Variants in USP34 observed in about 807,000 individuals in gnomAD.
USP34 encodes ubiquitin carboxyl-terminal hydrolase 34.
USP34 carries 70 observed loss-of-function variants against 460.3 expected under a neutral mutation model. The ratio of observed to expected loss-of-function variants is 0.15; its 90% confidence interval spans 0.13 to 0.19. USP34 has a LOEUF of 0.19. Among genes scored for constraint, USP34 ranks in the 10% least tolerant of loss-of-function variants. The pLI, the probability that USP34 is intolerant of heterozygous loss-of-function variation, is 1.00. For missense variants in USP34, 3,985 were observed against 4,236.2 expected, an observed-to-expected ratio of 0.94 and a Z score of 1.65; for synonymous variants, 1,647 against 1,405.3, an observed-to-expected ratio of 1.17 and a Z score of -3.85.
chr2:61,193,094 ATATTT>A (rs1686688138), intron 75 of USP34, 114 bp from the exon 76 acceptor site: 3 of 820,136 alleles, frequency 3.7e-6, no homozygotes, highest in Admixed American at 2.8e-5. Flanking sequence ...CATATTTTCT[ATATTT>A]TAAAGTACAT....
At chr2:61,287,931 C>A (rs568048408) in intron 34 of USP34, among the ~76,000 whole-genome samples, 1 of 152,304 alleles carries the variant, frequency 6.6e-6, no homozygotes, top group African/African-American at 2.4e-5. Context: ...TTCTATTATG[C>A]TAGGGCAAAT....
At chr2:61,353,730 C>T (rs1692023695) in intron 10 of USP34, among the ~76,000 whole-genome samples, 1 of 151,936 alleles carries the variant, frequency 6.6e-6, no homozygotes, top group Non-Finnish European at 1.5e-5. Flanking sequence ...CACTCAGCCA[C>T]TAGACAAAGA....
At chr2:61,324,089 T>A (rs888095065) in intron 21 of USP34, among the ~76,000 whole-genome samples, 6 of 152,142 alleles carry the variant, frequency 3.9e-5, no homozygotes, top group African/African-American at 1.4e-4. Flanking sequence ...TAACCACAGT[T>A]AAAGAGACAA....
chr2:61,376,584 G>A (rs370509455), intron 8 of USP34, among the ~76,000 whole-genome samples: 7 of 152,190 alleles, frequency 4.6e-5, no homozygotes, highest in South Asian at 2.1e-4. Flanking sequence ...GCGGTCTCGC[G>A]GAGGTGGAGG....
chr2:61,223,405 GC>G, intron 62 of USP34, 109 bp from the exon 63 acceptor site: 1 of 1,094,428 alleles, frequency 9.1e-7, no homozygotes. Context: ...GTATTAACCT[GC>G]CATCATAAAA....
chr2:61,350,116 G>A (rs1460053442), intron 12 of USP34, 144 bp downstream of exon 12: 2 of 810,084 alleles, frequency 2.5e-6, no homozygotes, highest in Non-Finnish European at 3.6e-6. Context: ...ACTAATCACA[G>A]TATTAATCCT....
chr2:61,244,619 C>CA lies in USP34; in HGVS notation c.6627+590dup, dbSNP rs61343219. ...ACACAGCAAGAATCCGACTTGGGGG[C>CA]AAAAAAAAAAAAAAAAAGTCTTTTC... On this transcript the variant is annotated intron_variant, in intron 51 of 79. Transcript: ENST00000398571. Among the ~76,000 whole-genome samples the CA allele has an allele frequency of 6.7e-3, 819 of 122,696 alleles. 4 individuals carry two copies. The highest frequency in any genetic ancestry group is 0.045 in the Middle Eastern group (11 of 242). The allele number at this position is 122,696 out of a possible 152,430, so 80.5% of individuals were successfully genotyped here.
chr2:61,459,909 A>G (rs566925556), intron 1 of USP34, among the ~76,000 whole-genome samples: 2 of 152,240 alleles, frequency 1.3e-5, no homozygotes, highest in Non-Finnish European at 2.9e-5. Flanking sequence ...AAAATACAAA[A>G]AAATTAGCTG....
At chr2:61,301,595 A>T (rs1038018517) in intron 27 of USP34, 141 bp from the exon 28 acceptor site, 8 of 721,246 alleles carry the variant, frequency 1.1e-5, no homozygotes, top group South Asian at 2.0e-5. Flanking sequence ...AACTCAGTAG[A>T]TTGAGGATAG....
rs774874522 is a variant in USP34 at position 61,278,377 on chromosome 2, T to C, written c.5312+11A>G. On this transcript the variant is annotated intron_variant, in intron 40 of 79. Transcript: ENST00000398571. The stretch of plus-strand genomic sequence containing the variant: ...CGACAATATAAATGTCAATTTCACA[T>C]CAAATTTTACCTTCGAATACAGTCA... 2 of 1,609,092 alleles carry C rather than the reference T, an allele frequency of 1.2e-6. No homozygotes were observed. Among genetic ancestry groups the C allele is most frequent in the Middle Eastern group, 1.7e-4 (1 of 5,930 alleles).
In USP34 at chr2:61,307,460, T is replaced by TA. The variant is rs548876034; in HGVS notation, c.3817+4079dup. On this transcript the variant is annotated intron_variant, in intron 27 of 79. Transcript: ENST00000398571. ...GCACATGTACCCTAGAACTTTAATT[T>TA]AAAAAAAAAGAGTTTATGAGACTTG... is the stretch of plus-strand genomic sequence containing the variant. Among the ~76,000 whole-genome samples the TA allele has an allele frequency of 5.8e-3, 880 of 150,510 alleles. 3 individuals are homozygous for TA. The highest frequency in any genetic ancestry group is 0.017 in the African/African-American group (706 of 41,066).
intron 1 of USP34, among the ~76,000 whole-genome samples, chr2:61,461,776 A>G (rs1695607616): frequency 6.6e-6 from 1 of 152,236 alleles, no homozygotes; most frequent in African/African-American, 2.4e-5. Context: ...GAAAATAATG[A>G]AAAATGTTTA....
intron 5 of USP34, among the ~76,000 whole-genome samples, chr2:61,384,671 T>C (rs1201033712): frequency 6.6e-6 from 1 of 151,690 alleles, no homozygotes; most frequent in Non-Finnish European, 1.5e-5. Flanking sequence ...AGACCATGTC[T>C]CAAAACAAAA....
chr2:61,422,721 A>G (rs1038465639), intron 1 of USP34, among the ~76,000 whole-genome samples: 1 of 152,190 alleles, frequency 6.6e-6, no homozygotes, highest in Non-Finnish European at 1.5e-5. Context: ...CACAAGAAGA[A>G]CTGTTAGAAC....
At chr2:61,382,818 C>T (rs1208912141) in intron 6 of USP34, among the ~76,000 whole-genome samples, 1 of 152,142 alleles carries the variant, frequency 6.6e-6, no homozygotes, top group Non-Finnish European at 1.5e-5. Context: ...GTAACCCACC[C>T]CCTAGAACTC....
rs184633771 is a variant in USP34 at position 61,374,860 on chromosome 2, C to T, written c.1076+3503G>A. On this transcript the variant is annotated intron_variant, in intron 8 of 79. Transcript: ENST00000398571. ...CTGGGATTACAGGCATGAGCCACTGCACTCAGTCTCCTACTTTCAATAATA... is the reference window on the plus strand; with the variant it reads ...CTGGGATTACAGGCATGAGCCACTGTACTCAGTCTCCTACTTTCAATAATA... Among the ~76,000 whole-genome samples the T allele has an allele frequency of 1.4e-4, 22 of 152,256 alleles. No homozygotes were observed. In the East Asian group the frequency reaches 4.1e-3, roughly 28 times the overall value.
At chr2:61,447,061 C>T (rs1247615646) in intron 1 of USP34, among the ~76,000 whole-genome samples, 4 of 151,814 alleles carry the variant, frequency 2.6e-5, no homozygotes, top group East Asian at 1.9e-4. Flanking sequence ...TCAAGACCAG[C>T]GTAGCTAACA....
chr2:61,399,004 G>A (rs886860186), intron 3 of USP34, among the ~76,000 whole-genome samples: 1 of 152,118 alleles, frequency 6.6e-6, no homozygotes. Context: ...TGGACCAGGT[G>A]AACCATGCTA....
chr2:61,296,050 G>A (rs1690017230), intron 30 of USP34, among the ~76,000 whole-genome samples: 1 of 152,124 alleles, frequency 6.6e-6, no homozygotes, highest in Non-Finnish European at 1.5e-5. Context: ...TTTGAAGTCA[G>A]GAGTTATAGA....
Sources: gnomAD v4.1 joint callset for allele counts (sites outside exome capture counted in the v4.1 genomes callset) on GRCh38, gnomAD v4.1.1 for gene constraint, MANE v1.5 for transcripts, NCBI Gene and HGNC (gene_info 2026-07-23, HGNC 2026-07-21) for gene names.